Variants in PCDHGB1 observed in about 807,000 individuals in gnomAD.
PCDHGB1 encodes the protein protocadherin gamma subfamily B, 1.
Under a neutral mutation model 56.6 loss-of-function variants are expected in PCDHGB1, and 34 were observed. The observed-to-expected ratio is 0.60, with a 90% confidence interval of 0.46 to 0.80. The LOEUF (loss-of-function observed/expected upper bound fraction) is 0.80. Ranked by LOEUF, PCDHGB1 falls within the 30% of genes least tolerant of loss-of-function variation. The probability of loss-of-function intolerance (pLI) is 0.00; values close to 1 mark genes in which losing one functional copy is unlikely to be tolerated. For missense variants in PCDHGB1, 1,278 were observed against 1,204.6 expected (o/e 1.06, Z -0.90); for synonymous variants, 561 against 505.9 (o/e 1.11, Z -1.46).
In PCDHGB1 at chr5:141,489,744, C is replaced by T. The variant is rs185263705; in HGVS notation, c.2410-5063C>T. The T allele has an allele frequency of 1.1e-5, 18 of 1,614,144 alleles. No homozygotes were observed. In the Admixed American group the frequency reaches 2.8e-4, roughly 25 times the overall value. Reference sequence around the variant, plus strand: ...CGGATGTGGGCACCAATACTGTGAGCTTTTACACTCTAAGCCCCAACAGCC... The same window carrying T: ...CGGATGTGGGCACCAATACTGTGAGTTTTTACACTCTAAGCCCCAACAGCC... On this transcript the variant is annotated intron_variant, in intron 1 of 3. Transcript: ENST00000523390. This position sits in a 1 kb window ranked among gnomAD's most constrained non-coding sequence, Gnocchi z 4.5.
intron 1 of PCDHGB1, chr5:141,371,288 G>A (rs780665474): frequency 3.1e-6 from 5 of 1,613,992 alleles, no homozygotes; most frequent in Non-Finnish European, 4.2e-6. Flanking sequence ...ACAGTAAAAC[G>A]GGGGAACTCA....
intron 1 of PCDHGB1, chr5:141,389,125 C>T: frequency 6.2e-7 from 1 of 1,614,004 alleles, no homozygotes; most frequent in African/African-American, 1.3e-5. Flanking sequence ...GAGCAGAATC[C>T]AGAGTACAAT....
intron 1 of PCDHGB1, chr5:141,384,126 C>T (rs749225079): frequency 1.9e-6 from 3 of 1,610,938 alleles, no homozygotes; most frequent in Non-Finnish European, 2.5e-6. Context: ...CAACCAAAAA[C>T]TTGGACCGGG....
intron 1 of PCDHGB1, chr5:141,412,984 C>G: frequency 1.8e-6 from 1 of 558,874 alleles, no homozygotes; most frequent in Non-Finnish European, 3.0e-6. Flanking sequence ...GCAGCCAGAG[C>G]TCAATCCGGA....
chr5:141,409,004 G>A, intron 1 of PCDHGB1: 3 of 1,614,004 alleles, frequency 1.9e-6, no homozygotes, highest in Non-Finnish European at 1.7e-6. Context: ...GACAGCCACT[G>A]ACCAGGATGA....
In PCDHGB1 at chr5:141,361,275, A is replaced by G. The variant is rs1366836369; in HGVS notation, c.2409+8606A>G. ...GAGACAGAGACTCTGGAGAAAATGGAGAAGTTTACTGCCAAGTGTTGGGAA... is the reference window on the plus strand; with the variant it reads ...GAGACAGAGACTCTGGAGAAAATGGGGAAGTTTACTGCCAAGTGTTGGGAA... On this transcript the variant is annotated intron_variant, in intron 1 of 3. Coordinates refer to ENST00000523390, the MANE Select transcript of PCDHGB1 (RefSeq NM_018922.3). 3 of 1,613,976 alleles carry G rather than the reference A, an allele frequency of 1.9e-6. No individual in the cohort carries two copies. In the East Asian group the frequency reaches 6.7e-5, roughly 36 times the overall value.
At chr5:141,373,897 C>G (rs1379272131) in intron 1 of PCDHGB1, 1 of 536,936 alleles carries the variant, frequency 1.9e-6, no homozygotes, top group Non-Finnish European at 3.1e-6. Context: ...ACTCAAGTTA[C>G]ATCCTCCAAC....
rs1363449 is a variant in PCDHGB1, at chr5:141,413,826, C to T, written c.2409+61157C>T. On this transcript the variant is annotated intron_variant, in intron 1 of 3. Coordinates refer to ENST00000523390, the MANE Select transcript of PCDHGB1 (RefSeq NM_018922.3). ...AGGCCATTCACCACCTGGTCCTCAC[C>T]GCCTCCGACGGGGGTGACCCTCTCC... 4,050 of 1,613,180 alleles carry T rather than the reference C, an allele frequency of 2.5e-3. 115 individuals are homozygous for T. In the African/African-American group the frequency reaches 0.047, roughly 19 times the overall value.
In PCDHGB1 at chr5:141,350,771, C is replaced by G; in HGVS notation, c.511C>G (p.Pro171Ala). The change falls in exon 1 of 4, where the codon CCC (proline) becomes GCC (alanine). Residue 171 changes from proline to alanine, a missense_variant. By Grantham distance (27) the Pro-to-Ala change is conservative (BLOSUM62 -1). Transcript: ENST00000523390. ...TTCACTGAAGTTATACACCATCAAC[C>G]CCAATCAATACTTCTCTCTGTCAAC... ...GNSLKLYTIN[P>A]NQYFSLSTKE... 1 of 1,613,922 alleles carries G rather than the reference C, an allele frequency of 6.2e-7. No individual in the cohort carries two copies. Among genetic ancestry groups the G allele is most frequent in the African/African-American group, 1.3e-5 (1 of 75,060 alleles).
chr5:141,355,619 T>C, intron 1 of PCDHGB1: 3 of 1,613,950 alleles, frequency 1.9e-6, no homozygotes, highest in Non-Finnish European at 1.7e-6. Context: ...CAGAGGGAAA[T>C]AAAAGTTGCT....
At chr5:141,395,348 A>T (rs2093219591) in intron 1 of PCDHGB1, 1 of 1,391,964 alleles carries the variant, frequency 7.2e-7, no homozygotes, top group East Asian at 2.4e-5. Flanking sequence ...AAGGTGTATC[A>T]CAGAGTTTTG....
rs192747939 is a variant in PCDHGB1 at position 141,487,483 on chromosome 5, T to C, written c.2410-7324T>C. 12 of 1,614,224 alleles carry C rather than the reference T, an allele frequency of 7.4e-6. No individual in the cohort carries two copies. In the Admixed American group the frequency reaches 1.8e-4, roughly 25 times the overall value. On this transcript the variant is annotated intron_variant, in intron 1 of 3. Coordinates refer to ENST00000523390, the MANE Select transcript of PCDHGB1 (RefSeq NM_018922.3). This position sits in a 1 kb window ranked among gnomAD's most constrained non-coding sequence, Gnocchi z 5.0. ...TTGTTGATGTGGGAGGCCACTCTCA[T>C]GGCTGTACACCCTTGGCTTCTGCAC... is the stretch of plus-strand genomic sequence containing the variant.
intron 1 of PCDHGB1, chr5:141,405,033 T>TTGTGGC: frequency 6.2e-7 from 1 of 1,613,962 alleles, no homozygotes; most frequent in Non-Finnish European, 8.5e-7. Context: ...CTCTACCTCG[T>TTGTGGC]TGTGGCTGTG....
chr5:141,370,807 C>T lies in PCDHGB1; in HGVS notation c.2409+18138C>T. 2 of 1,614,036 alleles carry T rather than the reference C, an allele frequency of 1.2e-6. No homozygotes were observed. Among genetic ancestry groups the T allele is most frequent in the Non-Finnish European group, 1.7e-6 (2 of 1,179,902 alleles). On this transcript the variant is annotated intron_variant, in intron 1 of 3. Coordinates refer to ENST00000523390, the MANE Select transcript of PCDHGB1 (RefSeq NM_018922.3). ...CCACCGACCTTTAGCCAAAATATCA[C>T]TGAGCTGGAAATCAGCGAACTGGCT...
intron 1 of PCDHGB1, chr5:141,421,355 G>C (rs1561793348): frequency 6.2e-7 from 1 of 1,613,990 alleles, no homozygotes. Flanking sequence ...ACCGAAAAGG[G>C]CTCCTTCGTG....
rs750033444 is a variant in PCDHGB1 at position 141,432,950 on chromosome 5, G to C, written c.2410-61857G>C. 1.2e-6 allele frequency: 2 copies of C among 1,614,190 alleles called. No homozygotes were observed. The highest frequency in any genetic ancestry group is 1.7e-6 in the Non-Finnish European group (2 of 1,180,032). ...ACGCCTGCTGCAGGCTTCAGGAGGC[G>C]GCTTGACAGGAGCGCCGGCGTCGCA... On this transcript the variant is annotated intron_variant, in intron 1 of 3. Transcript: ENST00000523390. The surrounding 1 kb of genome is among the most constrained non-coding windows in gnomAD (Gnocchi z 6.0).
intron 1 of PCDHGB1, chr5:141,357,789 C>A: frequency 1.2e-6 from 1 of 838,664 alleles, no homozygotes; most frequent in Non-Finnish European, 1.8e-6. Context: ...ACAGTATTTA[C>A]CACACAAAAA....
intron 1 of PCDHGB1, chr5:141,391,580 C>A (rs1392857666): frequency 3.3e-5 from 5 of 152,116 alleles, no homozygotes; most frequent in South Asian, 2.1e-4. Flanking sequence ...AATATATTCA[C>A]AGGAAAATAT....
chr5:141,389,048 T>C, intron 1 of PCDHGB1: 1 of 1,613,976 alleles, frequency 6.2e-7, no homozygotes, highest in East Asian at 2.2e-5. Context: ...AAGGTGATGT[T>C]CCATTTAAAA....
Sources: allele counts gnomAD v4.1 joint callset, GRCh38; gene constraint gnomAD v4.1.1; non-coding constraint Gnocchi (gnomAD v3.1); transcripts MANE v1.5; gene names NCBI Gene and HGNC (gene_info 2026-07-23, HGNC 2026-07-21).